Variants in ADAM28 observed in about 807,000 individuals in gnomAD.
The protein encoded by ADAM28 is disintegrin and metalloproteinase domain-containing protein 28.
In ADAM28, 105 loss-of-function variants were observed where a neutral mutation model predicts 101.2. The observed-to-expected ratio is 1.04, with a 90% confidence interval of 0.89 to 1.22. The LOEUF (loss-of-function observed/expected upper bound fraction) is 1.22. Among genes scored for constraint, ADAM28 ranks in the 50% most tolerant of loss-of-function variants. The probability of loss-of-function intolerance (pLI) is 0.00; values close to 1 mark genes in which losing one functional copy is unlikely to be tolerated. For synonymous variants in ADAM28, 322 were observed against 310.6 expected (o/e 1.04, Z -0.39); for missense variants, 1,028 against 945.4 (o/e 1.09, Z -1.15).
chr8:24,330,349 T>C (rs1223074116), intron 11 of ADAM28, among the ~76,000 whole-genome samples: 1 of 152,168 alleles, frequency 6.6e-6, no homozygotes, highest in Non-Finnish European at 1.5e-5. Context: ...ATCTTATCTA[T>C]ACAAGACCTG....
chr8:24,309,837 A>G, intron 2 of ADAM28, 57 bp from the exon 3 acceptor site: 1 of 1,274,324 alleles, frequency 7.8e-7, no homozygotes, highest in Non-Finnish European at 1.1e-6. Flanking sequence ...AGATAGAAAT[A>G]TAATAGTCAA....
chr8:24,348,081 C>G (rs1455345571), intron 18 of ADAM28, among the ~76,000 whole-genome samples: 1 of 151,980 alleles, frequency 6.6e-6, no homozygotes, highest in Non-Finnish European at 1.5e-5. Context: ...ATTTGTCTTT[C>G]CTGTTTATGT....
At chr8:24,352,316 A>G (rs1816256192) in intron 21 of ADAM28, among the ~76,000 whole-genome samples, 1 of 152,200 alleles carries the variant, frequency 6.6e-6, no homozygotes, top group Non-Finnish European at 1.5e-5. Flanking sequence ...AGGCTGCTGT[A>G]ACTAAATTAA....
Position 24,341,652 on chromosome 8 carries a change from G to A in ADAM28, c.1725G>A (p.Trp575Ter). 6.2e-7 allele frequency: 1 copy of A among 1,613,852 alleles called. No individual in the cohort carries two copies. The highest frequency in any genetic ancestry group is 8.5e-7 in the Non-Finnish European group (1 of 1,179,806). Residue 575 changes from tryptophan to a stop codon, truncating the protein, a stop_gained, in exon 16 of 23, where the codon TGG (tryptophan) becomes TGA (stop). Coordinates refer to ENST00000265769, the MANE Select transcript of ADAM28 (RefSeq NM_014265.6). LOFTEE classifies it high-confidence loss of function. ...AAGGTGGGTCGGATAATTTGCCCTGGAAAGGACGGATAGTGACTTTCCTGA... is the reference window on the plus strand; with the variant it reads ...AAGGTGGGTCGGATAATTTGCCCTGAAAAGGACGGATAGTGACTTTCCTGA... ...FCQGGSDNLP[W>*]KGRIVTFLTC...
Position 24,343,045 on chromosome 8 carries a change from C to A in ADAM28, c.1831-56C>A, listed in dbSNP as rs1427121278. ...GCTAGCCTCTTCACACAGACCTCAA[C>A]TTTCTCATCTACGTTCAGAGAAGAT... On this transcript the variant is annotated intron_variant, in intron 16 of 22. Coordinates refer to ENST00000265769, the MANE Select transcript of ADAM28 (RefSeq NM_014265.6). 2.5e-6 allele frequency: 4 copies of A among 1,610,838 alleles called. No individual in the cohort carries two copies. In the East Asian group the frequency reaches 8.9e-5, roughly 36 times the overall value.
In ADAM28 at chr8:24,309,875, T is replaced by C. The variant is rs973412602; in HGVS notation, c.151-19T>C. The C allele has an allele frequency of 4.1e-6, 6 of 1,471,696 alleles. No homozygotes were observed. In the African/African-American group the frequency reaches 7.0e-5, roughly 17 times the overall value. 91.2% of individuals were successfully genotyped at this position (1,471,696 alleles called of 1,614,324 possible). A position where few individuals can be genotyped will look rare whatever the true frequency, so the allele number is the denominator to read the frequency against. ...GAATATGTTTTTAATTACAAGTAAATGTTTGTGTATTTTTGCAGGAACAAT... is the reference window on the plus strand; with the variant it reads ...GAATATGTTTTTAATTACAAGTAAACGTTTGTGTATTTTTGCAGGAACAAT... On this transcript the variant is annotated intron_variant, in intron 2 of 22. Transcript: ENST00000265769.
intron 10 of ADAM28, 108 bp from the exon 11 acceptor site, chr8:24,329,869 TTGTGTGTG>T (rs377486317): frequency 3.9e-6 from 2 of 507,300 alleles, no homozygotes; most frequent in African/African-American, 4.1e-5. Flanking sequence ...GTGTGTGTGT[TTGTGTGTG>T]TGTGTGTGTG....
At chr8:24,300,619 T>G (rs1390727185) in intron 2 of ADAM28, among the ~76,000 whole-genome samples, 2 of 152,126 alleles carry the variant, frequency 1.3e-5, no homozygotes, top group Non-Finnish European at 2.9e-5. Context: ...GGTTTCACTG[T>G]GTTAGCCAGG....
At chr8:24,349,253 A>G (rs886988079) in intron 18 of ADAM28, among the ~76,000 whole-genome samples, 13 of 152,230 alleles carry the variant, frequency 8.5e-5, no homozygotes, top group African/African-American at 2.7e-4. Context: ...TGAACAGTTA[A>G]GAGCAAAAGA....
chr8:24,349,868 C>T lies in ADAM28; in HGVS notation c.1995C>T (p.Phe665=), dbSNP rs1585745253. ...DCDDSSVVFH[F]SIVVGVLFPM... ...GGCCCCTGTTCTCTGCTGCAGACTTCTCCATTGTGGTTGGGGTGCTGTTCC... is the reference window on the plus strand; with the variant it reads ...GGCCCCTGTTCTCTGCTGCAGACTTTTCCATTGTGGTTGGGGTGCTGTTCC... Residue 665 remains phenylalanine (F), a synonymous_variant, in exon 19 of 23, where the codon TTC becomes TTT. Coordinates refer to ENST00000265769, the MANE Select transcript of ADAM28 (RefSeq NM_014265.6). The T allele has an allele frequency of 6.2e-7, 1 of 1,613,586 alleles. No individual in the cohort carries two copies. The highest frequency in any genetic ancestry group is 8.5e-7 in the Non-Finnish European group (1 of 1,179,694).
At chr8:24,295,965 T>C (rs1307241059) in intron 1 of ADAM28, 1 of 152,160 alleles carries the variant, frequency 6.6e-6, no homozygotes, top group Non-Finnish European at 1.5e-5. Context: ...AGTCCCCAGA[T>C]GGTTGAAATA....
In ADAM28 at chr8:24,343,155, T is replaced by G; in HGVS notation, c.1885T>G (p.Cys629Gly). The G allele has an allele frequency of 6.2e-7, 1 of 1,613,866 alleles. No individual in the cohort carries two copies. Among genetic ancestry groups the G allele is most frequent in the African/African-American group, 1.3e-5 (1 of 75,040 alleles). The change falls in exon 17 of 23, where the codon TGC (cysteine) becomes GGC (glycine). Residue 629 changes from cysteine (C) to glycine (G), a missense_variant. Physicochemically the swap from Cys to Gly is radical, Grantham distance 159. Transcript: ENST00000265769. ...DIEKAYKSTN[C>G]SSKCKGHAVC... ...TGAGAAAGCCTACAAATCAACCAAT[T>G]GCTCATCTAAGTGCAAAGGACATGC... is the stretch of plus-strand genomic sequence containing the variant.
chr8:24,304,194 C>T lies in ADAM28; in HGVS notation c.150+4117C>T, dbSNP rs547137816. On this transcript the variant is annotated intron_variant, in intron 2 of 22. Transcript: ENST00000265769. The stretch of plus-strand genomic sequence containing the variant: ...AGTTTTGAATATATATTTTGATTAA[C>T]GAAAGCCATAGACTAGTTACTGGCT... Among the ~76,000 whole-genome samples the T allele has an allele frequency of 3.8e-4, 57 of 149,496 alleles. No individual in the cohort carries two copies. The South Asian group carries it at 8.0e-3, about 21-fold the overall frequency.
At chr8:24,339,327 T>C in intron 14 of ADAM28, 139 bp from the exon 15 acceptor site, 1 of 658,148 alleles carries the variant, frequency 1.5e-6, no homozygotes, top group Non-Finnish European at 2.6e-6. Flanking sequence ...GGAATTATGC[T>C]AAAATAGTAT....
intron 4 of ADAM28, 150 bp downstream of exon 4, chr8:24,310,391 G>A: frequency 1.4e-6 from 1 of 703,020 alleles, no homozygotes; most frequent in Non-Finnish European, 2.2e-6. Flanking sequence ...ATAAAAAAAA[G>A]AAAAGTGGAA....
intron 16 of ADAM28, among the ~76,000 whole-genome samples, chr8:24,342,225 G>A (rs1050944906): frequency 6.6e-6 from 1 of 152,110 alleles, no homozygotes; most frequent in African/African-American, 2.4e-5. Context: ...CTTTGACCAT[G>A]AGGTTTGTCT....
At chr8:24,322,645 G>A (rs1444743386) in intron 8 of ADAM28, 1 of 152,002 alleles carries the variant, frequency 6.6e-6, no homozygotes, top group Admixed American at 6.6e-5. Flanking sequence ...TTTTAACCAG[G>A]ATTGGAGTTT....
chr8:24,329,638 A>G (rs1186872390), intron 10 of ADAM28, among the ~76,000 whole-genome samples: 3 of 152,188 alleles, frequency 2.0e-5, no homozygotes, highest in African/African-American at 7.2e-5. Flanking sequence ...AATGCATCAT[A>G]GACTTCTAAA....
At chr8:24,341,569 C>T (rs1223559699) in intron 15 of ADAM28, 29 bp from the exon 16 acceptor site, 1 of 1,598,602 alleles carries the variant, frequency 6.3e-7, no homozygotes. Context: ...CAATTTGAAT[C>T]CTGCAATACA....
Sources: allele counts gnomAD v4.1 joint callset (sites outside exome capture counted in the v4.1 genomes callset), GRCh38; gene constraint gnomAD v4.1.1; transcripts MANE v1.5; gene names NCBI Gene and HGNC (gene_info 2026-07-23, HGNC 2026-07-21).